ROCK2: variants seen among roughly 807,000 people sequenced by gnomAD.
ROCK2 encodes the protein Rho associated coiled-coil containing protein kinase 2.
A neutral mutation model predicts 195.1 loss-of-function variants in ROCK2; 61 were observed. The observed-to-expected ratio is 0.31, with a 90% CI of 0.25 to 0.39. ROCK2 has a LOEUF of 0.39. Ranked by LOEUF, ROCK2 falls within the 10% of genes least tolerant of loss-of-function variation. The pLI, the probability that ROCK2 is intolerant of heterozygous loss-of-function variation, is 1.00. For synonymous variants in ROCK2, 504 were observed against 545.5 expected (o/e 0.92, Z 1.06); for missense variants, 1,109 against 1,637.4 (o/e 0.68, Z 5.57).
chr2:11,325,529 G>T (rs970782376), intron 1 of ROCK2, among the ~76,000 whole-genome samples: 2 of 152,142 alleles, frequency 1.3e-5, no homozygotes, highest in Non-Finnish European at 2.9e-5. Context: ...AAATGGTGCA[G>T]CTTCAAATGA....
Position 11,179,953 on chromosome 2 carries a change from A to G in ROCK2, c.*3484T>C, listed in dbSNP as rs1445578538. 1.3e-5 allele frequency: 2 copies of G among 152,108 alleles called. No individual in the cohort carries two copies. The highest frequency in any genetic ancestry group is 2.9e-5 in the Non-Finnish European group (2 of 68,024). 9.4% of individuals were successfully genotyped at this position (152,108 alleles called of 1,614,324 possible). A position where few individuals can be genotyped will look rare whatever the true frequency, so the allele number is the denominator to read the frequency against. ...CAGTTCATTACTTATTACAATTCCA[A>G]ACAAAACTCATTATTATGGGGATGG... On this transcript the variant is annotated 3_prime_UTR_variant, in exon 33 of 33. Coordinates refer to ENST00000315872, the MANE Select transcript of ROCK2 (RefSeq NM_004850.5).
At chr2:11,344,996 C>T (rs111245341), upstream of ROCK2, among the ~76,000 whole-genome samples, 29,218 of 150,890 alleles carry the variant, frequency 0.19, 3,606 homozygotes, top group South Asian at 0.31. The surrounding 1 kb of genome is among the most constrained non-coding windows in gnomAD (Gnocchi z 5.4). Context: ...ACGCCGGGCC[C>T]AGCGCACCGT....
At chr2:11,252,181 T>C (rs1455656371) in intron 3 of ROCK2, among the ~76,000 whole-genome samples, 2 of 151,936 alleles carry the variant, frequency 1.3e-5, no homozygotes. Context: ...GAGGCTGAGG[T>C]GGGTGGATCA....
chr2:11,306,381 G>A (rs6733312), intron 1 of ROCK2, among the ~76,000 whole-genome samples: 121,630 of 152,070 alleles, frequency 0.8, 50,540 homozygotes, highest in East Asian at 0.99. Context: ...AACTTTAAAA[G>A]TTCTATATTT....
intron 3 of ROCK2, among the ~76,000 whole-genome samples, chr2:11,267,241 A>G (rs772089547): frequency 2.6e-5 from 4 of 152,208 alleles, no homozygotes; most frequent in Non-Finnish European, 5.9e-5. Context: ...CACTTTGACC[A>G]GGCTTATTTA....
At chr2:11,325,886 C>CT (rs753007088) in intron 1 of ROCK2, among the ~76,000 whole-genome samples, 1 of 152,068 alleles carries the variant, frequency 6.6e-6, no homozygotes, top group Non-Finnish European at 1.5e-5. Flanking sequence ...AGTGAATCCC[C>CT]TTTAAGAGGT....
At chr2:11,342,415 T>A (rs1669135178) in intron 1 of ROCK2, among the ~76,000 whole-genome samples, 1 of 152,236 alleles carries the variant, frequency 6.6e-6, no homozygotes, top group Non-Finnish European at 1.5e-5. Context: ...ATTACATGTA[T>A]AAGCTACTTA....
chr2:11,320,035 C>T (rs1668353553), intron 1 of ROCK2, among the ~76,000 whole-genome samples: 1 of 152,020 alleles, frequency 6.6e-6, no homozygotes, highest in Non-Finnish European at 1.5e-5. Context: ...CCACTGCTTC[C>T]ACCTAATGAC....
intron 1 of ROCK2, among the ~76,000 whole-genome samples, chr2:11,310,829 T>C (rs1311443264): frequency 6.6e-6 from 1 of 152,062 alleles, no homozygotes; most frequent in African/African-American, 2.4e-5. Context: ...TACTTAATTT[T>C]CCAGAATTTT....
chr2:11,334,444 G>A (rs1263896372), intron 1 of ROCK2, among the ~76,000 whole-genome samples: 1 of 145,158 alleles, frequency 6.9e-6, no homozygotes, highest in Non-Finnish European at 1.5e-5. Flanking sequence ...CCGGGAGGCA[G>A]AGATTGCGGT....
At chr2:11,276,777 G>A (rs929050129) in intron 3 of ROCK2, among the ~76,000 whole-genome samples, 54 of 152,128 alleles carry the variant, frequency 3.5e-4, no homozygotes, top group Admixed American at 2.7e-3. Context: ...GTCTGTATGT[G>A]TACTGGTGTG....
intron 5 of ROCK2, among the ~76,000 whole-genome samples, chr2:11,230,082 A>G (rs1358483546): frequency 6.6e-6 from 1 of 152,166 alleles, no homozygotes; most frequent in Non-Finnish European, 1.5e-5. Context: ...GGTTTAGTAC[A>G]TTTAGTATAT....
chr2:11,191,386 A>AC (rs1318020489), intron 32 of ROCK2, among the ~76,000 whole-genome samples: 8 of 152,120 alleles, frequency 5.3e-5, no homozygotes, highest in Non-Finnish European at 1.0e-4. Flanking sequence ...TCCTAACTCT[A>AC]CCTCAATTCC....
At chr2:11,249,446 C>T (rs1455430063) in intron 4 of ROCK2, among the ~76,000 whole-genome samples, 11 of 152,188 alleles carry the variant, frequency 7.2e-5, no homozygotes, top group Non-Finnish European at 1.6e-4. Context: ...GTAATACTTG[C>T]TTCCATACAA....
At chr2:11,211,863 C>T in intron 17 of ROCK2, 23 bp from the exon 18 acceptor site, 1 of 1,529,860 alleles carries the variant, frequency 6.5e-7, no homozygotes, top group Non-Finnish European at 8.8e-7. Flanking sequence ...TAAAATGCAG[C>T]TATCAACAAA....
chr2:11,294,187 A>C (rs1256642322), intron 1 of ROCK2, among the ~76,000 whole-genome samples: 1 of 152,058 alleles, frequency 6.6e-6, no homozygotes, highest in African/African-American at 2.4e-5. Flanking sequence ...AGTAAGACAA[A>C]GAGAGAGAGA....
At chr2:11,294,702 TTTTA>T (rs376220703) in intron 1 of ROCK2, among the ~76,000 whole-genome samples, 86 of 152,324 alleles carry the variant, frequency 5.6e-4, no homozygotes, top group African/African-American at 2.0e-3. Flanking sequence ...TGTTTTATTA[TTTTA>T]TTTGTGTAAT....
chr2:11,242,660 G>A (rs898676680), intron 4 of ROCK2, among the ~76,000 whole-genome samples: 3 of 152,012 alleles, frequency 2.0e-5, no homozygotes, highest in Admixed American at 6.6e-5. Flanking sequence ...TAATCCTATC[G>A]CCCATATGTG....
chr2:11,231,391 A>G (rs1400544431), intron 5 of ROCK2, among the ~76,000 whole-genome samples: 1 of 152,108 alleles, frequency 6.6e-6, no homozygotes, highest in Non-Finnish European at 1.5e-5. Context: ...TGTTTTTAGT[A>G]GAGATGGGGT....
Sources: gnomAD v4.1 joint callset for allele counts (sites outside exome capture counted in the v4.1 genomes callset) on GRCh38, gnomAD v4.1.1 for gene constraint, Gnocchi (gnomAD v3.1) non-coding constraint, MANE v1.5 for transcripts, NCBI Gene and HGNC (gene_info 2026-07-23, HGNC 2026-07-21) for gene names.